S100A7A: variants seen among roughly 807,000 people sequenced by gnomAD.
The protein encoded by S100A7A is S100 calcium binding protein A7A.
S100A7A carries 5 observed loss-of-function variants against 4.0 expected under a neutral mutation model. The observed-to-expected ratio is 1.26, with a 90% CI of 0.66 to 2.66. S100A7A has a LOEUF of 2.66. Among genes scored for constraint, S100A7A ranks in the 30% most tolerant of loss-of-function variants. S100A7A has a pLI of 0.01. For missense variants in S100A7A, 159 were observed against 125.1 expected, an observed-to-expected ratio of 1.27 and a Z score of -1.29; for synonymous variants, 52 against 46.4, an observed-to-expected ratio of 1.12 and a Z score of -0.49.
intron 1 of S100A7A, among the ~76,000 whole-genome samples, chr1:153,416,920 C>G (rs572909301): frequency 6.6e-6 from 1 of 152,360 alleles, no homozygotes; most frequent in East Asian, 1.9e-4. Context: ...AGCTCTGCCC[C>G]CACAGAGGGA....
rs1163498810 is a variant in S100A7A, at chr1:153,422,117, T to G, written c.*2808T>G. On this transcript the variant is annotated 3_prime_UTR_variant, in exon 3 of 3. Transcript: ENST00000368729. ...AAATCCTGAGATATTGCTGATTTGC[T>G]ATGGCAGGTCGTCAAGAGAACTGTG... 2.0e-5 allele frequency: 3 copies of G among 152,380 alleles called. No individual in the cohort carries two copies. In the East Asian group the frequency reaches 5.8e-4, roughly 29 times the overall value. The allele number at this position is 152,380 out of a possible 1,614,324, so 9.4% of individuals were successfully genotyped here. A position where few individuals can be genotyped will look rare whatever the true frequency, so the allele number is the denominator to read the frequency against.
At chr1:153,418,328 A>T in intron 2 of S100A7A, 105 bp downstream of exon 2, 1 of 1,486,442 alleles carries the variant, frequency 6.7e-7, no homozygotes, top group Admixed American at 2.1e-5. Context: ...CTGATTAAAA[A>T]GTTTCCCATT....
intron 1 of S100A7A, among the ~76,000 whole-genome samples, chr1:153,416,818 G>C (rs901579951): frequency 1.3e-5 from 2 of 152,212 alleles, no homozygotes; most frequent in Non-Finnish European, 2.9e-5. Context: ...TCCCCAGTGG[G>C]ACCTGAGCAC....
At position 153,419,468 on chromosome 1, in the gene S100A7A, T is replaced by C; in HGVS notation, c.*159T>C. 1.2e-6 allele frequency: 1 copy of C among 804,198 alleles called. No individual in the cohort carries two copies. Among genetic ancestry groups the C allele is most frequent in the Non-Finnish European group, 2.0e-6 (1 of 510,928 alleles). The allele number at this position is 804,198 out of a possible 1,614,324, so 49.8% of individuals were successfully genotyped here. A position where few individuals can be genotyped will look rare whatever the true frequency, so the allele number is the denominator to read the frequency against. ...GAGAATTTCCCCCACCCCCATCCAG[T>C]GGGTCACCCAGGAGTAATGTCCCTC... On this transcript the variant is annotated 3_prime_UTR_variant, in exon 3 of 3. Transcript: ENST00000368729.
intron 1 of S100A7A, among the ~76,000 whole-genome samples, chr1:153,417,751 G>A (rs557759941): frequency 2.0e-5 from 3 of 152,254 alleles, no homozygotes; most frequent in East Asian, 1.9e-4. Context: ...AGGCTGGGGG[G>A]TCCCAGCTTA....
At chr1:153,418,253 G>C in intron 2 of S100A7A, 30 bp downstream of exon 2, 1 of 1,606,050 alleles carries the variant, frequency 6.2e-7, no homozygotes, top group East Asian at 2.2e-5. Flanking sequence ...CTCAATGTTG[G>C]TTGGACCCTG....
intron 1 of S100A7A, 187 bp from the exon 2 acceptor site, chr1:153,417,879 C>T (rs368256583): frequency 8.7e-5 from 57 of 653,996 alleles, no homozygotes; most frequent in East Asian, 6.9e-4. Flanking sequence ...CAGGATGGGC[C>T]GGGTCTCAGA....
intron 1 of S100A7A, 83 bp downstream of exon 1, chr1:153,416,646 G>C (rs1462262335): frequency 2.7e-6 from 1 of 366,370 alleles, no homozygotes; most frequent in Non-Finnish European, 5.4e-6. Context: ...GGAAAGGGCT[G>C]TGGACAAAGT....
In S100A7A at chr1:153,422,617, A is replaced by C. The variant is rs1310965172; in HGVS notation, c.*3308A>C. The C allele has an allele frequency of 2.7e-5, 20 of 746,964 alleles. No individual in the cohort carries two copies. Among genetic ancestry groups the C allele is most frequent in the Non-Finnish European group, 3.3e-5 (20 of 613,100 alleles). 46.3% of individuals were successfully genotyped at this position (746,964 alleles called of 1,614,324 possible). A position where few individuals can be genotyped will look rare whatever the true frequency, so the allele number is the denominator to read the frequency against. On this transcript the variant is annotated 3_prime_UTR_variant, in exon 3 of 3. Transcript: ENST00000368729. ...ACTTTTTTTTTTCAGGCGCAGTCTCACTCTGTCGCCCGGGCTGGAGTGCTG... is the reference window on the plus strand; with the variant it reads ...ACTTTTTTTTTTCAGGCGCAGTCTCCCTCTGTCGCCCGGGCTGGAGTGCTG...
intron 1 of S100A7A, 197 bp from the exon 2 acceptor site, chr1:153,417,869 C>T: frequency 1.7e-6 from 1 of 601,260 alleles, no homozygotes; most frequent in Non-Finnish European, 2.8e-6. Context: ...TGGCCCTGGC[C>T]AGGATGGGCC....
chr1:153,418,257 G>C (rs768536015), intron 2 of S100A7A, 34 bp downstream of exon 2: 1 of 1,605,574 alleles, frequency 6.2e-7, no homozygotes, highest in Non-Finnish European at 8.5e-7. Context: ...ATGTTGGTTG[G>C]ACCCTGGCAT....
Position 153,419,148 on chromosome 1 carries a change from A to G in S100A7A, c.145A>G (p.Lys49Glu). The G allele has an allele frequency of 1.9e-6, 3 of 1,613,532 alleles. No individual in the cohort carries two copies. Among genetic ancestry groups the G allele is most frequent in the East Asian group, 4.5e-5 (2 of 44,870 alleles). ...NFPNFLSACD[K>E]KGIHYLATVF... ...TTGTATGTTTTTCTCTTCACAGGAC[A>G]AAAAGGGCATACATTACCTCGCCAC... is the stretch of plus-strand genomic sequence containing the variant. The change falls in exon 3 of 3, where the codon AAA becomes GAA. Residue 49 changes from lysine to glutamate, a missense_variant. Physicochemically the swap from Lys to Glu is moderately conservative, Grantham distance 56. Coordinates refer to ENST00000368729, the MANE Select transcript of S100A7A (RefSeq NM_176823.4).
chr1:153,418,240 C>T lies in S100A7A; in HGVS notation c.141+17C>T. ...AGTGCCTGTGTGAGTTGGGGTCTAG[C>T]TTCTCAATGTTGGTTGGACCCTGGC... On this transcript the variant is annotated intron_variant, in intron 2 of 2. Coordinates refer to ENST00000368729, the MANE Select transcript of S100A7A (RefSeq NM_176823.4). 1 of 1,613,806 alleles carries T rather than the reference C, an allele frequency of 6.2e-7. No individual in the cohort carries two copies. Among genetic ancestry groups the T allele is most frequent in the East Asian group, 2.2e-5 (1 of 44,876 alleles).
At chr1:153,416,614 C>T (rs1277182347) in intron 1 of S100A7A, 51 bp downstream of exon 1, 2 of 437,458 alleles carry the variant, frequency 4.6e-6, no homozygotes, top group East Asian at 6.6e-5. Flanking sequence ...AGTGCCCAGC[C>T]TGCCATGCTG....
chr1:153,419,013 T>C (rs1461747499), intron 2 of S100A7A, 132 bp from the exon 3 acceptor site: 2 of 934,650 alleles, frequency 2.1e-6, no homozygotes, highest in East Asian at 2.6e-5. Flanking sequence ...ACTCACCCTG[T>C]GCTCTCAGCC....
rs748550148 is a variant in S100A7A, at chr1:153,418,153, A to T, written c.71A>T (p.Asp24Val). 1 of 1,614,106 alleles carries T rather than the reference A, an allele frequency of 6.2e-7. No homozygotes were observed. Among genetic ancestry groups the T allele is most frequent in the South Asian group, 1.1e-5 (1 of 91,084 alleles). The change falls in exon 2 of 3, where the codon GAT becomes GTT. Residue 24 changes from aspartate (D) to valine (V), a missense_variant. By Grantham distance (152) the Asp-to-Val change is radical. Transcript: ENST00000368729. Reference protein sequence around the residue: ...IDMFHKYTGRDGKIEKPSLLT... With the variant: ...IDMFHKYTGRVGKIEKPSLLT... ...ATGTTTCACAAATACACCGGACGTGATGGCAAGATTGAGAAGCCAAGCCTG... is the reference window on the plus strand; with the variant it reads ...ATGTTTCACAAATACACCGGACGTGTTGGCAAGATTGAGAAGCCAAGCCTG...
At chr1:153,417,879 C>G in intron 1 of S100A7A, 187 bp from the exon 2 acceptor site, 1 of 653,998 alleles carries the variant, frequency 1.5e-6, no homozygotes, top group East Asian at 3.0e-5. Flanking sequence ...CAGGATGGGC[C>G]GGGTCTCAGA....
chr1:153,417,595 T>G (rs1662758588), intron 1 of S100A7A, among the ~76,000 whole-genome samples: 1 of 152,152 alleles, frequency 6.6e-6, no homozygotes, highest in Non-Finnish European at 1.5e-5. Flanking sequence ...GGGCCCACGG[T>G]GTCTGGTTCC....
At chr1:153,417,655 G>A (rs541490884) in intron 1 of S100A7A, among the ~76,000 whole-genome samples, 1 of 152,338 alleles carries the variant, frequency 6.6e-6, no homozygotes, top group South Asian at 2.1e-4. Context: ...CCATTGTCCT[G>A]CCCCCGTGAC....
Sources: allele counts gnomAD v4.1 joint callset (sites outside exome capture counted in the v4.1 genomes callset), GRCh38; gene constraint gnomAD v4.1.1; transcripts MANE v1.5; gene names NCBI Gene and HGNC (gene_info 2026-07-23, HGNC 2026-07-21).